The following TMEM217B variants were observed in gnomAD, a reference collection of about 807,000 sequenced individuals.
TMEM217B encodes the protein transmembrane protein 217B.
the TMEM217B span, chr6:37,212,184 G>A: frequency 6.7e-6 from 2 of 300,088 alleles, no homozygotes; most frequent in South Asian, 5.9e-5. Flanking sequence ...CCAGTGAGAT[G>A]GTTAAGTAAG....
At chr6:37,212,293 A>G in the TMEM217B span, 18 of 351,618 alleles carry the variant, frequency 5.1e-5, no homozygotes, top group Admixed American at 1.6e-4. Flanking sequence ...ATCATTCCTC[A>G]GTGCGTAAAA....
chr6:37,236,698 A>C, the TMEM217B span, among the ~76,000 whole-genome samples: 42 of 152,170 alleles, frequency 2.8e-4, no homozygotes, highest in East Asian at 7.5e-3. Flanking sequence ...TTTCTATAAC[A>C]AATTACCCCA....
chr6:37,237,392 A>G, the TMEM217B span, among the ~76,000 whole-genome samples: 1 of 152,218 alleles, frequency 6.6e-6, no homozygotes, highest in Non-Finnish European at 1.5e-5. Context: ...ATCAAGTCAA[A>G]ATCTTTATTG....
At chr6:37,227,005 AT>A in the TMEM217B span, among the ~76,000 whole-genome samples, 13 of 152,370 alleles carry the variant, frequency 8.5e-5, no homozygotes, top group African/African-American at 3.1e-4. Context: ...CAATAAGGTT[AT>A]TGAGTGTTAG....
At chr6:37,252,708 C>T in the TMEM217B span, among the ~76,000 whole-genome samples, 4 of 146,842 alleles carry the variant, frequency 2.7e-5, no homozygotes, top group East Asian at 2.0e-4. Flanking sequence ...GGCACAATCT[C>T]GGCTCCCTGC....
At chr6:37,252,286 T>G in the TMEM217B span, among the ~76,000 whole-genome samples, 1 of 152,108 alleles carries the variant, frequency 6.6e-6, no homozygotes, top group Non-Finnish European at 1.5e-5. Context: ...GTGGATAAAA[T>G]AAGTTTTATT....
At chr6:37,238,246 T>C in the TMEM217B span, among the ~76,000 whole-genome samples, 1 of 151,956 alleles carries the variant, frequency 6.6e-6, no homozygotes, top group Non-Finnish European at 1.5e-5. Flanking sequence ...ATTTAAAACA[T>C]TCAGAACAGT....
chr6:37,216,623 G>A, the TMEM217B span, among the ~76,000 whole-genome samples: 3 of 152,178 alleles, frequency 2.0e-5, no homozygotes, highest in African/African-American at 7.2e-5. Context: ...GGAGAGCCCT[G>A]AGGATGGGAG....
At chr6:37,230,323 C>T in the TMEM217B span, among the ~76,000 whole-genome samples, 9 of 152,182 alleles carry the variant, frequency 5.9e-5, no homozygotes, top group East Asian at 1.9e-4. Context: ...GTCCCTTTTG[C>T]GTACTCACAG....
chr6:37,248,512 G>A, the TMEM217B span, among the ~76,000 whole-genome samples: 2 of 152,052 alleles, frequency 1.3e-5, no homozygotes, highest in Admixed American at 6.5e-5. Context: ...TCTGCTTCTA[G>A]TTACTTCTCT....
At chr6:37,239,581 C>T in the TMEM217B span, among the ~76,000 whole-genome samples, 1 of 151,828 alleles carries the variant, frequency 6.6e-6, no homozygotes, top group African/African-American at 2.4e-5. Context: ...TCAGTGGTAC[C>T]TAAGATAATG....
At chr6:37,212,916 G>A in the TMEM217B span, 1 of 1,548,452 alleles carries the variant, frequency 6.5e-7, no homozygotes, top group Non-Finnish European at 8.7e-7. Context: ...AGAACTGGGT[G>A]GTATTAAGGA....
At chr6:37,218,222 T>C in the TMEM217B span, 1 of 1,339,756 alleles carries the variant, frequency 7.5e-7, no homozygotes, top group Non-Finnish European at 9.6e-7. Flanking sequence ...CAGGCTGAAG[T>C]GCACTGGCGC....
chr6:37,251,154 T>C, the TMEM217B span, among the ~76,000 whole-genome samples: 6 of 152,246 alleles, frequency 3.9e-5, no homozygotes, highest in Non-Finnish European at 8.8e-5. Flanking sequence ...AATAAATGTC[T>C]GCTGTTTACA....
the TMEM217B span, among the ~76,000 whole-genome samples, chr6:37,256,656 A>T: frequency 2.7e-5 from 4 of 149,744 alleles, no homozygotes; most frequent in Non-Finnish European, 4.4e-5. Context: ...GACATATAAA[A>T]GAAGGTCCTT....
At chr6:37,235,593 C>G in the TMEM217B span, among the ~76,000 whole-genome samples, 1 of 116,522 alleles carries the variant, frequency 8.6e-6, no homozygotes, top group South Asian at 3.5e-4. Flanking sequence ...GTCTCGATCT[C>G]CTGACCTTGT....
chr6:37,212,915 T>A, the TMEM217B span: 1 of 1,548,638 alleles, frequency 6.5e-7, no homozygotes, highest in Middle Eastern at 1.7e-4. Context: ...AAGAACTGGG[T>A]GGTATTAAGG....
the TMEM217B span, among the ~76,000 whole-genome samples, chr6:37,249,357 T>C: frequency 6.6e-6 from 1 of 152,186 alleles, no homozygotes; most frequent in African/African-American, 2.4e-5. Flanking sequence ...TCTCACTCTG[T>C]TGCCTACGTT....
At chr6:37,237,725 C>T in the TMEM217B span, among the ~76,000 whole-genome samples, 2 of 152,080 alleles carry the variant, frequency 1.3e-5, no homozygotes, top group Non-Finnish European at 2.9e-5. Flanking sequence ...CAACATACAA[C>T]AATATGGTAG....
Sources: gnomAD v4.1 joint callset for allele counts (sites outside exome capture counted in the v4.1 genomes callset) on GRCh38, gnomAD v4.1.1 for gene constraint, MANE v1.5 for transcripts, NCBI Gene and HGNC (gene_info 2026-07-23, HGNC 2026-07-21) for gene names.